The following RBFOX2 variants were observed in gnomAD, a reference collection of about 807,000 sequenced individuals.
The protein encoded by RBFOX2 is RNA binding protein fox-1 homolog 2.
RBFOX2 carries 10 observed loss-of-function variants against 49.1 expected under a neutral mutation model. The ratio of observed to expected loss-of-function variants is 0.20; its 90% confidence interval spans 0.13 to 0.35. The LOEUF (loss-of-function observed/expected upper bound fraction) is 0.35. RBFOX2 is among the 10% of genes least tolerant of loss of function. The pLI is 1.00. For synonymous variants in RBFOX2, 183 were observed against 187.4 expected (o/e 0.98, Z 0.19); for missense variants, 323 against 486.9 (o/e 0.66, Z 3.17).
At chr22:35,909,517 C>T (rs1158686679) in intron 1 of RBFOX2, among the ~76,000 whole-genome samples, 3 of 152,122 alleles carry the variant, frequency 2.0e-5, no homozygotes, top group Admixed American at 1.3e-4. Flanking sequence ...AAAAGTAACG[C>T]TAGCAATATT....
intron 1 of RBFOX2, among the ~76,000 whole-genome samples, chr22:35,814,710 C>CAAAAAAAAAAAAAAAAAAAAAAAAAAAA: frequency 3.2e-5 from 1 of 31,028 alleles, no homozygotes; most frequent in Non-Finnish European, 6.3e-5. Context: ...AACCCTGTCT[C>CAAAAAAAAAAAAAAAAAAAAAAAAAAAA]AAAAAAAAAA....
chr22:35,925,756 A>G (rs1347049955), intron 1 of RBFOX2, among the ~76,000 whole-genome samples: 1 of 152,226 alleles, frequency 6.6e-6, no homozygotes, highest in Non-Finnish European at 1.5e-5. Flanking sequence ...TGAACAGAGT[A>G]CCTTACACAA....
At chr22:35,957,783 A>G (rs1164997574) in intron 1 of RBFOX2, among the ~76,000 whole-genome samples, 1 of 152,206 alleles carries the variant, frequency 6.6e-6, no homozygotes, top group South Asian at 2.1e-4. Context: ...GCAATCATTG[A>G]TAATTATCTA....
intron 1 of RBFOX2, among the ~76,000 whole-genome samples, chr22:35,891,519 T>C (rs780463053): frequency 3.3e-5 from 5 of 152,218 alleles, no homozygotes; most frequent in Non-Finnish European, 7.3e-5. Flanking sequence ...AAATGTTGGC[T>C]GAACTGATTT....
rs549679447 is a variant in RBFOX2 at position 35,874,156 on chromosome 22, C to A, written c.-33-64152G>T. 2.6e-5 allele frequency among the ~76,000 whole-genome samples: 4 copies of A among 152,326 alleles called. No homozygotes were observed. In the South Asian group the frequency reaches 8.3e-4, roughly 32 times the overall value. ...ATACATGAAAAGCAGTATCACTAGT[C>A]TCCTCACAATTCTAAGAAATAATGC... On this transcript the variant is annotated intron_variant, in intron 1 of 13. Transcript: ENST00000359369.
chr22:35,985,997 C>T (rs1262159844), intron 1 of RBFOX2, among the ~76,000 whole-genome samples: 1 of 152,040 alleles, frequency 6.6e-6, no homozygotes, highest in Non-Finnish European at 1.5e-5. Context: ...CCTTGTTGCT[C>T]AGAAAGAAAA....
intron 1 of RBFOX2, among the ~76,000 whole-genome samples, chr22:36,010,251 C>T (rs1400249803): frequency 1.3e-5 from 2 of 152,124 alleles, no homozygotes; most frequent in African/African-American, 2.4e-5. Flanking sequence ...CTAGGACAGG[C>T]GCTTTCTGCT....
intron 1 of RBFOX2, among the ~76,000 whole-genome samples, chr22:35,991,034 G>A (rs955964815): frequency 1.3e-5 from 2 of 151,892 alleles, no homozygotes. Context: ...CTGAGGCAGG[G>A]GGATCACTTG....
chr22:36,004,694 G>A (rs1401870463), intron 1 of RBFOX2, among the ~76,000 whole-genome samples: 2 of 152,130 alleles, frequency 1.3e-5, no homozygotes, highest in Non-Finnish European at 2.9e-5. Context: ...TACTTGGGAG[G>A]CTGAGGCAGG....
At chr22:35,941,863 T>C (rs1413450566), upstream of RBFOX2, among the ~76,000 whole-genome samples, 2 of 152,234 alleles carry the variant, frequency 1.3e-5, no homozygotes, top group Non-Finnish European at 2.9e-5. Context: ...CTTAGCACTC[T>C]TCTTTATTTC....
At chr22:35,854,879 G>A (rs1399228093) in intron 1 of RBFOX2, among the ~76,000 whole-genome samples, 1 of 151,884 alleles carries the variant, frequency 6.6e-6, no homozygotes, top group Non-Finnish European at 1.5e-5. Context: ...AAAAAAAAAG[G>A]AGAATCTTTT....
intron 1 of RBFOX2, among the ~76,000 whole-genome samples, chr22:35,980,790 G>A (rs2057418858): frequency 6.6e-6 from 1 of 152,150 alleles, no homozygotes; most frequent in Admixed American, 6.5e-5. Context: ...TAGCAGGTGG[G>A]ACAGACAAAT....
intron 1 of RBFOX2, among the ~76,000 whole-genome samples, chr22:36,023,566 A>G (rs1363963659): frequency 6.6e-6 from 1 of 152,190 alleles, no homozygotes; most frequent in African/African-American, 2.4e-5. Context: ...TCCCCACTAC[A>G]TTGTATAGAG....
At chr22:36,027,485 T>TGA (rs758192293) in intron 1 of RBFOX2, among the ~76,000 whole-genome samples, 4 of 152,204 alleles carry the variant, frequency 2.6e-5, no homozygotes, top group Admixed American at 6.5e-5. Context: ...AATCCAGAAT[T>TGA]GAGAATCCAG....
intron 1 of RBFOX2, among the ~76,000 whole-genome samples, chr22:35,924,852 A>G (rs1018781841): frequency 2.0e-5 from 3 of 152,204 alleles, no homozygotes; most frequent in Non-Finnish European, 4.4e-5. Flanking sequence ...ACCATAATGC[A>G]ATAGGCAGTG....
intron 1 of RBFOX2, among the ~76,000 whole-genome samples, chr22:35,927,587 A>C (rs1443465748): frequency 6.9e-6 from 1 of 144,966 alleles, no homozygotes; most frequent in Non-Finnish European, 1.5e-5. Context: ...CGGGGCAACA[A>C]GAGTGAAACT....
In RBFOX2 at chr22:35,851,363, C is replaced by A. The variant is rs543103398; in HGVS notation, c.-33-41359G>T. On this transcript the variant is annotated intron_variant, in intron 1 of 13. Transcript: ENST00000359369. ...ACATTTATTGAACATCTATTGCAGA[C>A]AAAATATTGTACTAAGCCCTGGAGA... 4.6e-5 allele frequency among the ~76,000 whole-genome samples: 7 copies of A among 152,160 alleles called. No individual in the cohort carries two copies. The South Asian group carries it at 1.5e-3, about 32-fold the overall frequency.
At chr22:35,964,823 TG>T (rs1169174919), upstream of RBFOX2, among the ~76,000 whole-genome samples, 4 of 152,240 alleles carry the variant, frequency 2.6e-5, no homozygotes, top group Non-Finnish European at 5.9e-5. Context: ...TACACCCTGT[TG>T]TAAACATATA....
upstream of RBFOX2, among the ~76,000 whole-genome samples, chr22:35,842,120 C>T (rs1406036898): frequency 1.3e-5 from 2 of 152,168 alleles, no homozygotes; most frequent in African/African-American, 2.4e-5. Context: ...TCATTACACC[C>T]GCTCCTAAAT....
Sources: allele counts gnomAD v4.1 joint callset (sites outside exome capture counted in the v4.1 genomes callset), GRCh38; gene constraint gnomAD v4.1.1; transcripts MANE v1.5; gene names NCBI Gene and HGNC (gene_info 2026-07-23, HGNC 2026-07-21).